The following RPTOR variants were observed in gnomAD, a reference collection of about 807,000 sequenced individuals.
The protein encoded by RPTOR is regulatory associated protein of MTOR complex 1.
Under a neutral mutation model 169.9 loss-of-function variants are expected in RPTOR, and 21 were observed. The ratio of observed to expected loss-of-function variants is 0.12; its 90% confidence interval spans 0.09 to 0.18. The LOEUF (loss-of-function observed/expected upper bound fraction) is 0.18. Ranked by LOEUF, RPTOR falls within the 10% of genes least tolerant of loss-of-function variation. The probability of loss-of-function intolerance (pLI) is 1.00; values close to 1 mark genes in which losing one functional copy is unlikely to be tolerated. For synonymous variants in RPTOR, 732 were observed against 753.2 expected, an observed-to-expected ratio of 0.97 and a Z score of 0.46; for missense variants, 1,133 against 1,855.9, an observed-to-expected ratio of 0.61 and a Z score of 7.16.
chr17:80,932,969 CTG>C (rs2068915953), intron 24 of RPTOR, among the ~76,000 whole-genome samples: 1 of 152,350 alleles, frequency 6.6e-6, no homozygotes, highest in East Asian at 1.9e-4. Context: ...TCATTAGAAA[CTG>C]TGTAAGACAG....
chr17:80,874,635 A>G (rs2068086676), intron 13 of RPTOR, among the ~76,000 whole-genome samples: 1 of 152,110 alleles, frequency 6.6e-6, no homozygotes, highest in Non-Finnish European at 1.5e-5. Context: ...TGAAGTCGTG[A>G]AGAGCAGTGA....
In RPTOR at chr17:80,722,853, G is replaced by A. The variant is rs575168787; in HGVS notation, c.508-7707G>A. ...CCTCCTTGGTGCCAGCAGCCTTGCC[G>A]CTGTAATCCTCTGTATGTCTTGTGG... On this transcript the variant is annotated intron_variant, in intron 4 of 33. Coordinates refer to ENST00000306801, the MANE Select transcript of RPTOR (RefSeq NM_020761.3). 9.7e-4 allele frequency among the ~76,000 whole-genome samples: 146 copies of A among 151,254 alleles called. 3 individuals are homozygous for A. Among genetic ancestry groups the A allele is most frequent in the African/African-American group, 1.7e-3 (70 of 40,570 alleles).
intron 7 of RPTOR, among the ~76,000 whole-genome samples, chr17:80,813,126 A>G (rs8065995): frequency 3.5e-4 from 54 of 152,336 alleles, no homozygotes; most frequent in African/African-American, 1.2e-3. Flanking sequence ...CATGGGTTTT[A>G]TGCACGCTAA....
intron 21 of RPTOR, among the ~76,000 whole-genome samples, chr17:80,918,066 A>G (rs1389791672): frequency 2.0e-5 from 3 of 152,336 alleles, no homozygotes; most frequent in African/African-American, 7.2e-5. Context: ...CAGCAGCACT[A>G]ATGAACATGA....
At chr17:80,549,323 A>G (rs139923958) in intron 1 of RPTOR, among the ~76,000 whole-genome samples, 2 of 152,334 alleles carry the variant, frequency 1.3e-5, no homozygotes, top group East Asian at 1.9e-4. Context: ...AAAATGAATC[A>G]TTCACAGACC....
rs1305799904 is a variant in RPTOR, at chr17:80,708,829, T to TG, written c.507+830_507+831insG. On this transcript the variant is annotated intron_variant, in intron 4 of 33. Transcript: ENST00000306801. The surrounding 1 kb of genome is among the most constrained non-coding windows in gnomAD (Gnocchi z 4.2). ...GGCCCCATATGTGCCTGAGCGTGTCTATGAGGGCACTGATTTGGAATCCAG... is the reference window on the plus strand; with the variant it reads ...GGCCCCATATGTGCCTGAGCGTGTCTGATGAGGGCACTGATTTGGAATCCAG... 10 of 583,140 alleles carry TG rather than the reference T, an allele frequency of 1.7e-5. No homozygotes were observed. Among genetic ancestry groups the TG allele is most frequent in the Non-Finnish European group, 2.2e-5 (10 of 462,414 alleles). 36.1% of individuals were successfully genotyped at this position (583,140 alleles called of 1,614,324 possible).
intron 1 of RPTOR, among the ~76,000 whole-genome samples, chr17:80,597,294 G>A (rs1359629527): frequency 6.6e-6 from 1 of 152,104 alleles, no homozygotes; most frequent in African/African-American, 2.4e-5. Context: ...TAGGGAGGGT[G>A]TTCACAGAGA....
intron 4 of RPTOR, among the ~76,000 whole-genome samples, chr17:80,719,757 G>A (rs185863119): frequency 1.3e-5 from 2 of 152,252 alleles, no homozygotes; most frequent in Admixed American, 1.3e-4. Context: ...CAGACAACTC[G>A]GGAGTATACA....
chr17:80,547,730 G>A (rs1163108426), intron 1 of RPTOR, among the ~76,000 whole-genome samples: 1 of 152,202 alleles, frequency 6.6e-6, no homozygotes, highest in Non-Finnish European at 1.5e-5. Flanking sequence ...CTATAGGACA[G>A]AAGTTGCAAA....
intron 4 of RPTOR, among the ~76,000 whole-genome samples, chr17:80,723,121 G>T (rs912898077): frequency 6.6e-6 from 1 of 151,290 alleles, no homozygotes; most frequent in South Asian, 2.1e-4. Flanking sequence ...GGGGTGCGTG[G>T]TGTGTGTGAT....
At chr17:80,859,110 G>A (rs558175381) in intron 13 of RPTOR, among the ~76,000 whole-genome samples, 10 of 152,282 alleles carry the variant, frequency 6.6e-5, no homozygotes, top group East Asian at 1.9e-4. Flanking sequence ...GCTGGGGCTC[G>A]GGGAGCCTTC....
At chr17:80,561,263 G>GTATATATATATATATATA (rs1555713889) in intron 1 of RPTOR, among the ~76,000 whole-genome samples, 21 of 19,628 alleles carry the variant, frequency 1.1e-3, no homozygotes, top group African/African-American at 1.9e-3. Context: ...ATATATATAT[G>GTATATATATATATATATA]TATATATATA....
At chr17:80,923,212 G>A (rs997213530) in intron 22 of RPTOR, among the ~76,000 whole-genome samples, 2 of 152,220 alleles carry the variant, frequency 1.3e-5, no homozygotes, top group Non-Finnish European at 2.9e-5. Flanking sequence ...CGGCCCACTC[G>A]ACTCTGAGCT....
rs1423453158 is a variant in RPTOR at position 80,893,703 on chromosome 17, G to A, written c.2243-4G>A. 1.2e-6 allele frequency: 2 copies of A among 1,608,606 alleles called. No individual in the cohort carries two copies. The highest frequency in any genetic ancestry group is 1.7e-6 in the Non-Finnish European group (2 of 1,177,470). ...CCCCACTGACCCCGTTGCGTCTCGG[G>A]CAGCTGGTGGCGCGGTGGCGTTCTC... On this transcript the variant is annotated splice_region_variant and splice_polypyrimidine_tract_variant and intron_variant, in intron 19 of 33. Coordinates refer to ENST00000306801, the MANE Select transcript of RPTOR (RefSeq NM_020761.3).
At chr17:80,644,302 T>C (rs2065576060) in intron 3 of RPTOR, among the ~76,000 whole-genome samples, 1 of 116,588 alleles carries the variant, frequency 8.6e-6, no homozygotes, top group African/African-American at 3.7e-5. Context: ...CCAATTAGTG[T>C]GTGGGTTTTT....
intron 21 of RPTOR, among the ~76,000 whole-genome samples, chr17:80,916,232 G>T (rs1370703864): frequency 6.6e-6 from 1 of 152,198 alleles, no homozygotes; most frequent in African/African-American, 2.4e-5. Flanking sequence ...CCCAGACCTA[G>T]GAGCTCCCTG....
Position 80,659,522 on chromosome 17 carries a change from T to A in RPTOR, c.348+15712T>A, listed in dbSNP as rs140558873. Among the ~76,000 whole-genome samples, 75 of 152,196 alleles carry A rather than the reference T, an allele frequency of 4.9e-4. 1 individual carries two copies. The East Asian group carries it at 0.014, about 28-fold the overall frequency. ...AATTTTTATTTTTATTTATTTATTT[T>A]TTTTCAGTTGGAGTTTCTCTCTGTC... On this transcript the variant is annotated intron_variant, in intron 3 of 33. Coordinates refer to ENST00000306801, the MANE Select transcript of RPTOR (RefSeq NM_020761.3). The surrounding 1 kb of genome is among the most constrained non-coding windows in gnomAD (Gnocchi z 4.3).
At chr17:80,898,243 G>A (rs2068431301) in intron 20 of RPTOR, among the ~76,000 whole-genome samples, 1 of 152,208 alleles carries the variant, frequency 6.6e-6, no homozygotes, top group African/African-American at 2.4e-5. Context: ...GCTGTCTGCA[G>A]TATTCTCATG....
chr17:80,863,825 C>T (rs564539728), intron 13 of RPTOR, among the ~76,000 whole-genome samples: 53 of 152,250 alleles, frequency 3.5e-4, no homozygotes, highest in African/African-American at 9.4e-4. Flanking sequence ...AAGGCTGAGG[C>T]GGGAGAATCG....
Sources: allele counts gnomAD v4.1 joint callset (sites outside exome capture counted in the v4.1 genomes callset), GRCh38; gene constraint gnomAD v4.1.1; non-coding constraint Gnocchi (gnomAD v3.1); transcripts MANE v1.5; gene names NCBI Gene and HGNC (gene_info 2026-07-23, HGNC 2026-07-21).